The following RSPH10B2 variants were observed in gnomAD, a reference collection of about 807,000 sequenced individuals.
RSPH10B2 encodes the protein radial spoke head 10 homolog B2 (Chlamydomonas).
A neutral mutation model predicts 49.0 loss-of-function variants in RSPH10B2; 9 were observed. The observed-to-expected ratio is 0.18, with a 90% CI of 0.11 to 0.32. RSPH10B2 has a LOEUF of 0.32. Ranked by LOEUF, RSPH10B2 falls within the 10% of genes least tolerant of loss-of-function variation. The pLI, the probability that RSPH10B2 is intolerant of heterozygous loss-of-function variation, is 1.00. For synonymous variants in RSPH10B2, 35 were observed against 210.2 expected, an observed-to-expected ratio of 0.17 and a Z score of 7.21; for missense variants, 95 against 589.9, an observed-to-expected ratio of 0.16 and a Z score of 8.69.
In RSPH10B2 at chr7:6,781,591, G is replaced by T; in HGVS notation, c.1758+115G>T. ...AATTATCAGGTGAAGATCTGGGCTG[G>T]GTTTTCAGGACCATTAAATGTTTAC... On this transcript the variant is annotated intron_variant, in intron 13 of 18. Coordinates refer to ENST00000297186, the Ensembl canonical transcript of RSPH10B2. 2.5e-6 allele frequency: 3 copies of T among 1,182,720 alleles called. 1 individual carries two copies. The highest frequency in any genetic ancestry group is 4.7e-5 in the South Asian group (2 of 42,746). The allele number at this position is 1,182,720 out of a possible 1,614,324, so 73.3% of individuals were successfully genotyped here.
chr7:6,779,154 CTT>C (rs1379847976), intron 10 of RSPH10B2, among the ~76,000 whole-genome samples: 2 of 17,436 alleles, frequency 1.1e-4, no homozygotes, highest in Non-Finnish European at 1.1e-4. Flanking sequence ...AGATTGACAT[CTT>C]TTTTTTTTTT....
At chr7:6,764,041 G>A (rs1330112703) in exon 4 of RSPH10B2, 1 of 1,339,970 alleles carries the variant, frequency 7.5e-7, no homozygotes, top group Non-Finnish European at 1.1e-6. Context: ...GGATGTTCAA[G>A]TGCAGCACCC....
upstream of RSPH10B2, chr7:6,753,456 CG>C: frequency 9.2e-6 from 1 of 108,720 alleles, no homozygotes; most frequent in East Asian, 1.1e-4. Flanking sequence ...GTAGGTTGCA[CG>C]CTCCTTATGA....
intron 4 of RSPH10B2, among the ~76,000 whole-genome samples, chr7:6,764,682 C>T (rs1240902711): frequency 6.6e-6 from 1 of 151,468 alleles, no homozygotes; most frequent in African/African-American, 2.4e-5. Flanking sequence ...CTTTAATAGG[C>T]TATTTATTGA....
upstream of RSPH10B2, among the ~76,000 whole-genome samples, chr7:6,755,972 C>A: frequency 7.1e-6 from 1 of 140,602 alleles, no homozygotes; most frequent in Non-Finnish European, 1.5e-5. Context: ...CCAAAAAACA[C>A]AGAACTGGGC....
rs535200909 is a variant in RSPH10B2, at chr7:6,793,307, G to A, written c.2233+1310G>A. Among the ~76,000 whole-genome samples the A allele has an allele frequency of 6.1e-5, 7 of 115,476 alleles. 2 individuals carry two copies. The East Asian group carries it at 1.5e-3, about 24-fold the overall frequency. The allele number at this position is 115,476 out of a possible 152,430, so 75.8% of individuals were successfully genotyped here. ...GCCCAAGTGATCTTCCCGCCTTGGC[G>A]TCCCAAAGCACTGGGATTACAGGTG... is the stretch of plus-strand genomic sequence containing the variant. On this transcript the variant is annotated intron_variant, in intron 17 of 18. Transcript: ENST00000297186.
chr7:6,756,233 G>A (rs1267415966), upstream of RSPH10B2, among the ~76,000 whole-genome samples: 4 of 140,176 alleles, frequency 2.9e-5, no homozygotes, highest in South Asian at 7.0e-4. Flanking sequence ...TCGCACCACC[G>A]CACTCCAGCC....
intron 17 of RSPH10B2, among the ~76,000 whole-genome samples, chr7:6,792,901 T>C (rs1486909480): frequency 3.5e-5 from 4 of 114,250 alleles, no homozygotes; most frequent in African/African-American, 1.4e-4. Flanking sequence ...GCCTCCCTAG[T>C]AGCTGGGATT....
chr7:6,792,846 C>G (rs1423565031), intron 17 of RSPH10B2, among the ~76,000 whole-genome samples: 1 of 116,090 alleles, frequency 8.6e-6, no homozygotes, highest in Non-Finnish European at 1.7e-5. Flanking sequence ...CATCATAGCT[C>G]ACTGCAACCT....
intron 6 of RSPH10B2, among the ~76,000 whole-genome samples, chr7:6,768,124 G>A (rs1376570329): frequency 7.6e-6 from 1 of 131,326 alleles, no homozygotes; most frequent in Admixed American, 7.8e-5. Flanking sequence ...GGTTGAGGCT[G>A]CAGTGAGCCA....
Position 6,796,465 on chromosome 7 carries a change from G to T in RSPH10B2, c.2234-103G>T, listed in dbSNP as rs1429883360. 5.2e-6 allele frequency: 4 copies of T among 766,106 alleles called. 1 individual carries two copies. The highest frequency in any genetic ancestry group is 7.4e-6 in the Non-Finnish European group (4 of 544,174). The allele number at this position is 766,106 out of a possible 1,614,324, so 47.5% of individuals were successfully genotyped here. ...TCCTCTCACTTCTCCTGGCCGAGGA[G>T]AAGGGGGCCCACCCCAGGGAGGCTA... is the stretch of plus-strand genomic sequence containing the variant. On this transcript the variant is annotated intron_variant, in intron 17 of 18. Coordinates refer to ENST00000297186, the Ensembl canonical transcript of RSPH10B2.
chr7:6,763,786 A>AGG, intron 3 of RSPH10B2, 142 bp from the exon 6 acceptor site: 2 of 713,826 alleles, frequency 2.8e-6, no homozygotes, highest in Non-Finnish European at 4.6e-6. Flanking sequence ...AGAGAGTGTG[A>AGG]GGGGGATGTT....
rs1365544759 is a variant in RSPH10B2, at chr7:6,757,933, T to G, written c.254+2T>G. 6.2e-7 allele frequency: 1 copy of G among 1,606,776 alleles called. No homozygotes were observed. The stretch of plus-strand genomic sequence containing the variant: ...TCTGACCAAACTCATAGTGGAAAGG[T>G]GATTTTAATGGGGGTGCCATCGGGT... On this transcript the variant is annotated splice_donor_variant, in intron 1 of 18. Coordinates refer to ENST00000297186, the Ensembl canonical transcript of RSPH10B2. LOFTEE classifies it high-confidence loss of function.
chr7:6,797,184 T>C (rs1782612142), intron 18 of RSPH10B2, among the ~76,000 whole-genome samples: 2 of 143,190 alleles, frequency 1.4e-5, no homozygotes, highest in Non-Finnish European at 3.1e-5. Flanking sequence ...AATTTTTGTA[T>C]TTTTAGTAGA....
intron 6 of RSPH10B2, among the ~76,000 whole-genome samples, chr7:6,768,073 T>C (rs1225856377): frequency 8.1e-6 from 1 of 123,328 alleles, no homozygotes; most frequent in Non-Finnish European, 1.7e-5. Flanking sequence ...GTGCCTGTAG[T>C]CCTGGCTACT....
chr7:6,783,722 C>T (rs1583522609), intron 13 of RSPH10B2, among the ~76,000 whole-genome samples: 1 of 151,532 alleles, frequency 6.6e-6, no homozygotes, highest in African/African-American at 2.4e-5. Flanking sequence ...GTCCTCGTGC[C>T]TCGGCCTCCT....
chr7:6,783,688 A>T (rs531942458), intron 13 of RSPH10B2, among the ~76,000 whole-genome samples: 21 of 151,358 alleles, frequency 1.4e-4, no homozygotes, highest in Non-Finnish European at 2.5e-4. Context: ...GCCCAGGCTG[A>T]TCTTGAACTC....
chr7:6,793,857 A>G (rs1583535492), intron 17 of RSPH10B2, among the ~76,000 whole-genome samples: 2 of 148,450 alleles, frequency 1.3e-5, no homozygotes, highest in Non-Finnish European at 1.5e-5. Flanking sequence ...AAAAAAAAGG[A>G]AAAAAGGAAA....
intron 9 of RSPH10B2, among the ~76,000 whole-genome samples, chr7:6,774,762 T>TTG (rs1554255148): frequency 6.7e-6 from 1 of 148,670 alleles, no homozygotes; most frequent in Non-Finnish European, 1.5e-5. Flanking sequence ...TTTGTTTTTT[T>TTG]TTTTTTCTTG....
Sources: gnomAD v4.1 joint callset for allele counts (sites outside exome capture counted in the v4.1 genomes callset) on GRCh38, gnomAD v4.1.1 for gene constraint, MANE v1.5 for transcripts, NCBI Gene and HGNC (gene_info 2026-07-23, HGNC 2026-07-21) for gene names.